The following RBFOX1 variants were observed in gnomAD, a reference collection of about 807,000 sequenced individuals.
The protein encoded by RBFOX1 is RNA binding protein fox-1 homolog 1.
A neutral mutation model predicts 57.7 loss-of-function variants in RBFOX1; 8 were observed. The observed-to-expected ratio is 0.14, with a 90% CI of 0.08 to 0.25. The LOEUF (loss-of-function observed/expected upper bound fraction) is 0.25, where lower values mean the gene tolerates loss of function less well. RBFOX1 is among the 10% of genes least tolerant of loss of function. The pLI, the probability that RBFOX1 is intolerant of heterozygous loss-of-function variation, is 1.00. For missense variants in RBFOX1, 611 were observed against 548.5 expected, an observed-to-expected ratio of 1.11 and a Z score of -1.14; for synonymous variants, 326 against 222.4, an observed-to-expected ratio of 1.47 and a Z score of -4.15.
intron 3 of RBFOX1, among the ~76,000 whole-genome samples, chr16:6,914,277 CATTATA>C (rs1233398819): frequency 6.6e-5 from 10 of 152,220 alleles, no homozygotes; most frequent in East Asian, 1.9e-4. Flanking sequence ...AGAAAATAAT[CATTATA>C]ATTATAATTT....
At chr16:7,472,692 T>G (rs571385285) in intron 4 of RBFOX1, among the ~76,000 whole-genome samples, 1 of 152,284 alleles carries the variant, frequency 6.6e-6, no homozygotes, top group East Asian at 1.9e-4. Flanking sequence ...ACAAGCATAT[T>G]CACACAAATA....
chr16:7,442,892 A>G (rs948232077), intron 4 of RBFOX1, among the ~76,000 whole-genome samples: 3 of 152,174 alleles, frequency 2.0e-5, no homozygotes, highest in Non-Finnish European at 2.9e-5. Context: ...TGAAAACTCC[A>G]TCAAGGAGAT....
At chr16:7,503,503 C>A (rs944916395) in intron 4 of RBFOX1, among the ~76,000 whole-genome samples, 4 of 152,160 alleles carry the variant, frequency 2.6e-5, no homozygotes, top group African/African-American at 9.7e-5. Flanking sequence ...CCATCCTTCT[C>A]CCCTTGTGGA....
At chr16:5,837,742 C>T (rs1020661387) in intron 3 of RBFOX1, among the ~76,000 whole-genome samples, 1 of 152,024 alleles carries the variant, frequency 6.6e-6, no homozygotes, top group South Asian at 2.1e-4. Flanking sequence ...TGCAGACCAT[C>T]AGTAATTATT....
At chr16:6,606,946 A>G (rs181926219) in intron 2 of RBFOX1, among the ~76,000 whole-genome samples, 144 of 152,322 alleles carry the variant, frequency 9.5e-4, no homozygotes, top group Non-Finnish European at 1.8e-3. Flanking sequence ...GTCTTTCACA[A>G]TGGTTGAACA....
At chr16:6,495,163 T>C (rs1195975130) in intron 2 of RBFOX1, among the ~76,000 whole-genome samples, 1 of 152,140 alleles carries the variant, frequency 6.6e-6, no homozygotes, top group Admixed American at 6.5e-5. Context: ...CTTTCACCCA[T>C]GCGGGAGTGA....
chr16:5,457,014 G>T (rs577196950), intron 1 of RBFOX1, among the ~76,000 whole-genome samples: 1 of 152,192 alleles, frequency 6.6e-6, no homozygotes, highest in African/African-American at 2.4e-5. Context: ...AGTTCTAAAG[G>T]CTGGGAATTC....
chr16:6,140,872 C>T (rs1469603725), intron 1 of RBFOX1, among the ~76,000 whole-genome samples: 1 of 152,184 alleles, frequency 6.6e-6, no homozygotes, highest in Non-Finnish European at 1.5e-5. Context: ...CATTTACTAC[C>T]CTTTTAATCT....
At chr16:6,418,105 A>G (rs2093675246) in intron 2 of RBFOX1, among the ~76,000 whole-genome samples, 1 of 152,202 alleles carries the variant, frequency 6.6e-6, no homozygotes, top group South Asian at 2.1e-4. Context: ...ACGAATGGTA[A>G]GTAACATTTG....
intron 3 of RBFOX1, among the ~76,000 whole-genome samples, chr16:6,850,495 A>G (rs1003198606): frequency 6.6e-6 from 1 of 152,068 alleles, no homozygotes; most frequent in South Asian, 2.1e-4. Flanking sequence ...CTAAGGTACA[A>G]TAAGAGAAGA....
In RBFOX1 at chr16:7,330,111, G is replaced by A. The variant is rs139206664; in HGVS notation, c.28-188036G>A. ...TATCCAATTTGTCATGGCCTGAAATGCCATTATATATACAGTCATCCCTCA... is the reference window on the plus strand; with the variant it reads ...TATCCAATTTGTCATGGCCTGAAATACCATTATATATACAGTCATCCCTCA... On this transcript the variant is annotated intron_variant, in intron 4 of 15. Coordinates refer to ENST00000550418, the MANE Select transcript of RBFOX1 (RefSeq NM_018723.4). Among the ~76,000 whole-genome samples the A allele has an allele frequency of 1.6e-3, 251 of 152,184 alleles. 1 individual carries two copies. The highest frequency in any genetic ancestry group is 5.7e-3 in the African/African-American group (238 of 41,524).
chr16:7,519,804 C>G (rs1280032890), intron 5 of RBFOX1: 1 of 831,212 alleles, frequency 1.2e-6, no homozygotes, highest in Non-Finnish European at 1.5e-6. Context: ...GATACATTTC[C>G]TGTGATAAAA....
intron 2 of RBFOX1, among the ~76,000 whole-genome samples, chr16:6,495,220 G>C (rs550261968): frequency 1.3e-5 from 2 of 152,292 alleles, no homozygotes; most frequent in South Asian, 2.1e-4. Context: ...CCGGATTCAA[G>C]CGATTCTTTT....
chr16:6,856,838 C>G (rs551952061), intron 3 of RBFOX1, among the ~76,000 whole-genome samples: 1 of 152,004 alleles, frequency 6.6e-6, no homozygotes, highest in Non-Finnish European at 1.5e-5. Context: ...CACTGATTGA[C>G]AGATCCCTTA....
At chr16:6,947,292 C>T (rs1243345895) in intron 3 of RBFOX1, among the ~76,000 whole-genome samples, 1 of 152,136 alleles carries the variant, frequency 6.6e-6, no homozygotes, top group African/African-American at 2.4e-5. Flanking sequence ...GGAGTAAGGT[C>T]ACCCTTCCCA....
chr16:5,859,529 A>G (rs2057156976), intron 3 of RBFOX1, among the ~76,000 whole-genome samples: 1 of 152,226 alleles, frequency 6.6e-6, no homozygotes, highest in African/African-American at 2.4e-5. Context: ...ACATTCTACC[A>G]GCTGGAGATC....
At chr16:6,553,227 G>T (rs2097024920) in intron 2 of RBFOX1, among the ~76,000 whole-genome samples, 1 of 152,142 alleles carries the variant, frequency 6.6e-6, no homozygotes, top group East Asian at 1.9e-4. Context: ...GATGTGAACA[G>T]GCAAGAAGGG....
chr16:6,773,689 G>C (rs1429275039), intron 3 of RBFOX1: 1 of 146,250 alleles, frequency 6.8e-6, no homozygotes, highest in African/African-American at 2.5e-5. Flanking sequence ...GTATGTGTAT[G>C]TGTGGGCATG....
intron 3 of RBFOX1, among the ~76,000 whole-genome samples, chr16:5,672,188 C>A (rs557221898): frequency 6.6e-6 from 1 of 152,292 alleles, no homozygotes; most frequent in East Asian, 1.9e-4. Flanking sequence ...ATTCCATCCT[C>A]AGTACCCTAA....
Sources: allele counts gnomAD v4.1 joint callset (sites outside exome capture counted in the v4.1 genomes callset), GRCh38; gene constraint gnomAD v4.1.1; transcripts MANE v1.5; gene names NCBI Gene and HGNC (gene_info 2026-07-23, HGNC 2026-07-21).